BIRC5: variants seen among roughly 807,000 people sequenced by gnomAD.
BIRC5 encodes the protein baculoviral IAP repeat containing 5, also known as baculoviral IAP repeat-containing protein 5.
Under a neutral mutation model 15.8 loss-of-function variants are expected in BIRC5, and 8 were observed. The ratio of observed to expected loss-of-function variants is 0.51; its 90% CI spans 0.30 to 0.91. The LOEUF is 0.91. Among genes scored for constraint, BIRC5 ranks in the 40% least tolerant of loss-of-function variants. BIRC5 has a pLI of 0.07. For synonymous variants in BIRC5, 56 were observed against 64.5 expected, an observed-to-expected ratio of 0.87 and a Z score of 0.63; for missense variants, 163 against 178.6, an observed-to-expected ratio of 0.91 and a Z score of 0.50.
intron 3 of BIRC5, among the ~76,000 whole-genome samples, chr17:78,223,165 A>T (rs748486856): frequency 3.3e-5 from 5 of 152,236 alleles, no homozygotes; most frequent in Non-Finnish European, 5.9e-5. Flanking sequence ...CACCCAGCGC[A>T]GGATCACTGT....
rs974461485 is a variant in BIRC5 at position 78,214,511 on chromosome 17, A to G, written c.111+84A>G. On this transcript the variant is annotated intron_variant, in intron 1 of 3. Transcript: ENST00000350051. ...GCCACTGTGACTGGGCCTCGGGGGT[A>G]CAAGCCGCCCTCCCCTCCCCGTCCT... 11 of 1,351,914 alleles carry G rather than the reference A, an allele frequency of 8.1e-6. No individual in the cohort carries two copies. The African/African-American group carries it at 1.3e-4, about 16-fold the overall frequency. 83.7% of individuals were successfully genotyped at this position (1,351,914 alleles called of 1,614,324 possible).
chr17:78,215,124 T>G, intron 2 of BIRC5: 1 of 237,676 alleles, frequency 4.2e-6, no homozygotes, highest in Non-Finnish European at 8.6e-6. Flanking sequence ...AATTGAAATA[T>G]AACCTACACA....
chr17:78,219,833 C>G (rs1414633485), intron 3 of BIRC5, among the ~76,000 whole-genome samples: 1 of 152,180 alleles, frequency 6.6e-6, no homozygotes, highest in Non-Finnish European at 1.5e-5. Flanking sequence ...CCCAGCAGGC[C>G]CTTGCTTGCC....
intron 2 of BIRC5, chr17:78,216,385 A>C: frequency 2.8e-6 from 1 of 352,560 alleles, no homozygotes; most frequent in Non-Finnish European, 5.4e-6. Context: ...ACCATGTAAC[A>C]CTTTTCCAAC....
At chr17:78,222,686 T>A in intron 3 of BIRC5, 3 of 1,231,660 alleles carry the variant, frequency 2.4e-6, no homozygotes, top group Non-Finnish European at 3.3e-6. Flanking sequence ...TAATTTTTTT[T>A]AAGTTAACCT....
Position 78,214,282 on chromosome 17 carries a change from T to C in BIRC5, c.-35T>C. 6 of 1,572,268 alleles carry C rather than the reference T, an allele frequency of 3.8e-6. No individual in the cohort carries two copies. Among genetic ancestry groups the C allele is most frequent in the Non-Finnish European group, 5.2e-6 (6 of 1,154,970 alleles). On this transcript the variant is annotated 5_prime_UTR_variant, in exon 1 of 4. Transcript: ENST00000350051. The stretch of plus-strand genomic sequence containing the variant: ...CGCGCCATTAACCGCCAGATTTGAA[T>C]CGCGGGACCCGTTGGCAGAGGTGGC...
At chr17:78,216,552 C>A in intron 2 of BIRC5, 112 bp from the exon 3 acceptor site, 2 of 854,166 alleles carry the variant, frequency 2.3e-6, no homozygotes, top group South Asian at 2.9e-5. Flanking sequence ...CGTCTTACTC[C>A]TGAGGCAGAG....
intron 2 of BIRC5, 107 bp from the exon 3 acceptor site, chr17:78,216,557 G>A (rs2145894334): frequency 1.1e-6 from 1 of 879,450 alleles, no homozygotes; most frequent in Non-Finnish European, 1.8e-6. Flanking sequence ...TACTCCTGAG[G>A]CAGAGCAGGG....
chr17:78,217,555 G>A (rs377140039), intron 3 of BIRC5, among the ~76,000 whole-genome samples: 5 of 151,866 alleles, frequency 3.3e-5, no homozygotes, highest in African/African-American at 7.3e-5. Context: ...AGAGTGCAGC[G>A]ACGGGATCTC....
At chr17:78,215,290 G>A (rs112960243) in intron 2 of BIRC5, among the ~76,000 whole-genome samples, 77 of 152,224 alleles carry the variant, frequency 5.1e-4, no homozygotes, top group African/African-American at 1.8e-3. Flanking sequence ...GGTAGCGCAC[G>A]CCCGTAATCC....
chr17:78,218,958 G>C (rs1311829716), intron 3 of BIRC5, among the ~76,000 whole-genome samples: 2 of 152,100 alleles, frequency 1.3e-5, no homozygotes. Flanking sequence ...CACAGAATAA[G>C]TACTGGGGGA....
chr17:78,217,946 C>G (rs1287117762), intron 3 of BIRC5, among the ~76,000 whole-genome samples: 2 of 146,354 alleles, frequency 1.4e-5, no homozygotes, highest in East Asian at 4.0e-4. Context: ...CGCACCCCAC[C>G]ATGCCCACCT....
At chr17:78,222,461 G>A (rs929983465) in intron 3 of BIRC5, among the ~76,000 whole-genome samples, 10 of 152,078 alleles carry the variant, frequency 6.6e-5, no homozygotes, top group Non-Finnish European at 5.9e-5. Context: ...GAGATCATGA[G>A]TTCGAGACCA....
intron 3 of BIRC5, 71 bp downstream of exon 3, chr17:78,216,852 A>G: frequency 7.7e-6 from 9 of 1,164,620 alleles, no homozygotes; most frequent in South Asian, 1.3e-5. Context: ...TAGTCCCTCA[A>G]AGGGACTCTG....
intron 2 of BIRC5, 97 bp downstream of exon 2, chr17:78,214,886 C>G: frequency 8.8e-7 from 1 of 1,142,718 alleles, no homozygotes; most frequent in Non-Finnish European, 1.3e-6. Flanking sequence ...GGGTTGCTTT[C>G]CACCCTCATT....
chr17:78,217,271 G>A (rs1457829803), intron 3 of BIRC5, among the ~76,000 whole-genome samples: 1 of 151,256 alleles, frequency 6.6e-6, no homozygotes, highest in African/African-American at 2.4e-5. Context: ...CGCCTCCTGG[G>A]CTCAAGTGAT....
At chr17:78,221,207 C>T (rs972542549) in intron 3 of BIRC5, among the ~76,000 whole-genome samples, 16 of 152,164 alleles carry the variant, frequency 1.1e-4, no homozygotes, top group Admixed American at 3.9e-4. Flanking sequence ...GAGGACAAAA[C>T]GAAGCACTAG....
chr17:78,223,391 C>G, intron 3 of BIRC5, 74 bp from the exon 4 acceptor site: 1 of 1,395,594 alleles, frequency 7.2e-7, no homozygotes, highest in East Asian at 2.4e-5. Context: ...TTGTTTTTTC[C>G]TTTGTCATCT....
At chr17:78,214,621 G>C in intron 1 of BIRC5, 59 bp from the exon 2 acceptor site, 2 of 1,479,952 alleles carry the variant, frequency 1.4e-6, no homozygotes, top group Non-Finnish European at 1.8e-6. Flanking sequence ...GGCCTTTGTG[G>C]CTGGGCCTCG....
Sources: allele counts gnomAD v4.1 joint callset (sites outside exome capture counted in the v4.1 genomes callset), GRCh38; gene constraint gnomAD v4.1.1; transcripts MANE v1.5; gene names NCBI Gene and HGNC (gene_info 2026-07-23, HGNC 2026-07-21).